Variants in ANKRD36C observed in about 807,000 individuals in gnomAD.
The protein encoded by ANKRD36C is ankyrin repeat domain 36C, also known as ankyrin repeat domain-containing protein 36C.
In ANKRD36C, 61 loss-of-function variants were observed where a neutral mutation model predicts 276.4. The observed-to-expected ratio is 0.22, with a 90% CI of 0.18 to 0.27. The LOEUF (loss-of-function observed/expected upper bound fraction) is 0.27, where lower values mean the gene tolerates loss of function less well. Ranked by LOEUF, ANKRD36C falls within the 10% of genes least tolerant of loss-of-function variation. ANKRD36C has a pLI of 1.00. For missense variants in ANKRD36C, 1,447 were observed against 2,032.3 expected (o/e 0.71, Z 5.54); for synonymous variants, 483 against 680.1 (o/e 0.71, Z 4.51).
exon 63 of ANKRD36C, chr2:95,855,892 C>G: frequency 6.2e-7 from 1 of 1,613,752 alleles, no homozygotes. Context: ...AGTCTTTGCC[C>G]GCTCTCTCTT....
chr2:95,950,362 A>G (rs374679459), intron 16 of ANKRD36C, among the ~76,000 whole-genome samples: 1,861 of 124,314 alleles, frequency 0.015, no homozygotes, highest in Middle Eastern at 0.035. Flanking sequence ...CAGTTAATAT[A>G]TAACAAAATG....
Position 95,910,657 on chromosome 2 carries a change from C to T in ANKRD36C, c.2653+1587G>A, listed in dbSNP as rs1412784256. On this transcript the variant is annotated intron_variant, in intron 42 of 66. Transcript: ENST00000456556. ...ATGCAGCGTTAGCATCAAACTCTGT[C>T]CTCCTGCCTGTATTAGCGCAGGCTT... The T allele has an allele frequency of 3.0e-5, 47 of 1,588,258 alleles. No homozygotes were observed. In the Admixed American group the frequency reaches 5.7e-4, roughly 19 times the overall value.
intron 56 of ANKRD36C, 113 bp downstream of exon 76, chr2:95,882,189 C>T (rs1198810423): frequency 4.0e-6 from 4 of 996,394 alleles, no homozygotes; most frequent in Admixed American, 2.5e-5. Flanking sequence ...CAATCTCAGG[C>T]CTGCTGAATC....
chr2:95,980,901 T>C, intron 4 of ANKRD36C, 116 bp from the exon 5 acceptor site: 14 of 1,389,344 alleles, frequency 1.0e-5, no homozygotes, highest in Non-Finnish European at 1.3e-5. Flanking sequence ...TTACATGTAC[T>C]AAGAAACAAG....
intron 40 of ANKRD36C, 34 bp downstream of exon 42, chr2:95,914,074 C>A (rs1213401742): frequency 6.5e-7 from 1 of 1,528,136 alleles, no homozygotes; most frequent in Admixed American, 2.0e-5. Flanking sequence ...TCTATCTCGA[C>A]TGATCATGAC....
chr2:95,920,880 G>A (rs567591540), intron 34 of ANKRD36C, among the ~76,000 whole-genome samples: 1 of 149,778 alleles, frequency 6.7e-6, no homozygotes, highest in Admixed American at 6.6e-5. Context: ...TCATATTCAA[G>A]TTTATCTCAT....
At chr2:95,949,725 T>C (rs1485458288) in intron 16 of ANKRD36C, among the ~76,000 whole-genome samples, 3 of 152,268 alleles carry the variant, frequency 2.0e-5, no homozygotes, top group Admixed American at 1.3e-4. Context: ...TTTTCTTTCT[T>C]TGAATTTCAG....
At chr2:95,922,296 C>A (rs1048524559) in intron 32 of ANKRD36C, among the ~76,000 whole-genome samples, 6 of 151,558 alleles carry the variant, frequency 4.0e-5, no homozygotes, top group African/African-American at 1.5e-4. Flanking sequence ...GAATGTACAC[C>A]TCATGTCTCT....
At chr2:95,979,471 G>A (rs556443247) in intron 5 of ANKRD36C, among the ~76,000 whole-genome samples, 1 of 152,100 alleles carries the variant, frequency 6.6e-6, no homozygotes, top group East Asian at 1.9e-4. Context: ...ATGGCTTCCT[G>A]TGAAGTAGAA....
chr2:95,956,484 T>A (rs1396195954), intron 13 of ANKRD36C, among the ~76,000 whole-genome samples: 1 of 152,222 alleles, frequency 6.6e-6, no homozygotes, highest in African/African-American at 2.4e-5. Flanking sequence ...CATCTATGCT[T>A]AGGGGCAAAT....
chr2:95,916,443 G>A (rs111809589), intron 36 of ANKRD36C, among the ~76,000 whole-genome samples: 4,412 of 151,674 alleles, frequency 0.029, 104 homozygotes, highest in Middle Eastern at 0.082. Flanking sequence ...ATCAAGGTGG[G>A]TATGCTGAGT....
At chr2:95,973,693 A>G (rs1678744132) in intron 6 of ANKRD36C, among the ~76,000 whole-genome samples, 1 of 152,120 alleles carries the variant, frequency 6.6e-6, no homozygotes, top group Admixed American at 6.6e-5. Context: ...CTGCTCCCAA[A>G]CAGTGGGTTT....
At chr2:95,890,412 A>C (rs1029254424) in intron 46 of ANKRD36C, among the ~76,000 whole-genome samples, 10 of 151,508 alleles carry the variant, frequency 6.6e-5, no homozygotes, top group African/African-American at 2.4e-4. Flanking sequence ...ACAAACATTC[A>C]TCATGCTCTT....
intron 44 of ANKRD36C, 28 bp from the exon 59 acceptor site, chr2:95,897,493 C>T (rs979657869): frequency 5.3e-6 from 8 of 1,521,346 alleles, no homozygotes; most frequent in African/African-American, 1.4e-5. Flanking sequence ...TTCATAATCA[C>T]TCATATGTAA....
chr2:95,867,609 A>G (rs1317613595), intron 59 of ANKRD36C, 28 bp from the exon 80 acceptor site: 2 of 1,305,518 alleles, frequency 1.5e-6, no homozygotes, highest in Non-Finnish European at 2.1e-6. Context: ...CTGTTTCAAA[A>G]TGTCCCCAAA....
intron 6 of ANKRD36C, among the ~76,000 whole-genome samples, chr2:95,968,467 T>C (rs1254328635): frequency 1.3e-5 from 2 of 152,160 alleles, no homozygotes; most frequent in Non-Finnish European, 1.5e-5. Context: ...TCAAAGAACA[T>C]GATTTCTGGA....
At chr2:95,950,345 C>T (rs1441385362) in intron 16 of ANKRD36C, among the ~76,000 whole-genome samples, 42 of 149,278 alleles carry the variant, frequency 2.8e-4, no homozygotes, top group African/African-American at 1.1e-3. Flanking sequence ...AAATAACACT[C>T]TAAAGACAGT....
At chr2:95,929,748 A>G (rs1470431551) in intron 24 of ANKRD36C, among the ~76,000 whole-genome samples, 1 of 151,508 alleles carries the variant, frequency 6.6e-6, no homozygotes, top group Admixed American at 6.6e-5. Flanking sequence ...AATTATAATG[A>G]CACTTTAGTT....
chr2:95,858,196 G>A (rs1471487716), intron 61 of ANKRD36C, among the ~76,000 whole-genome samples: 1 of 151,926 alleles, frequency 6.6e-6, no homozygotes, highest in Non-Finnish European at 1.5e-5. Flanking sequence ...CCTCCTGAGG[G>A]CTGTGTCGGG....
Sources: allele counts gnomAD v4.1 joint callset (sites outside exome capture counted in the v4.1 genomes callset), GRCh38; gene constraint gnomAD v4.1.1; transcripts MANE v1.5; gene names NCBI Gene and HGNC (gene_info 2026-07-23, HGNC 2026-07-21).